The following PRDM8 variants were observed in gnomAD, a reference collection of about 807,000 sequenced individuals.
PRDM8 encodes PR/SET domain 8.
Under a neutral mutation model 46.5 loss-of-function variants are expected in PRDM8, and 13 were observed. That is an observed-to-expected ratio of 0.28 (90% confidence interval 0.18 to 0.44). The LOEUF is 0.44. Ranked by LOEUF, PRDM8 falls within the 20% of genes least tolerant of loss-of-function variation. The pLI, the probability that PRDM8 is intolerant of heterozygous loss-of-function variation, is 1.00. For synonymous variants in PRDM8, 473 were observed against 438.4 expected (o/e 1.08, Z -0.98); for missense variants, 998 against 955.0 (o/e 1.04, Z -0.59).
chr4:80,187,497 A>G (rs1222314113), intron 1 of PRDM8, among the ~76,000 whole-genome samples: 1 of 152,132 alleles, frequency 6.6e-6, no homozygotes, highest in African/African-American at 2.4e-5. Context: ...TATGGAGATA[A>G]TTAGGGGATG....
At chr4:80,201,812 T>C in intron 3 of PRDM8, 102 bp from the exon 4 acceptor site, 1 of 1,522,684 alleles carries the variant, frequency 6.6e-7, no homozygotes, top group Non-Finnish European at 9.0e-7. Flanking sequence ...GTCAAGGGGA[T>C]GGTGGCAAAC....
intron 3 of PRDM8, 52 bp downstream of exon 3, chr4:80,201,573 G>A: frequency 1.3e-6 from 2 of 1,533,944 alleles, no homozygotes; most frequent in Non-Finnish European, 1.8e-6. Context: ...GGGGAGAGAC[G>A]CAGGGAGCGG....
At chr4:80,192,906 G>A (rs1219734482), upstream of PRDM8, among the ~76,000 whole-genome samples, 2 of 152,162 alleles carry the variant, frequency 1.3e-5, no homozygotes, top group Admixed American at 1.3e-4. Context: ...CCAGATCCAG[G>A]AGAGGAAGAT....
At chr4:80,197,386 C>A, upstream of PRDM8, 1 of 973,392 alleles carries the variant, frequency 1.0e-6, no homozygotes. Context: ...GCGAGGCAGG[C>A]GGCGCCGGAG....
chr4:80,197,525 G>C lies in PRDM8; in HGVS notation c.-241G>C. 1 of 985,880 alleles carries C rather than the reference G, an allele frequency of 1.0e-6. No individual in the cohort carries two copies. Among genetic ancestry groups the C allele is most frequent in the South Asian group, 4.7e-5 (1 of 21,282 alleles). The allele number at this position is 985,880 out of a possible 1,614,324, so 61.1% of individuals were successfully genotyped here. A position where few individuals can be genotyped will look rare whatever the true frequency, so the allele number is the denominator to read the frequency against. On this transcript the variant is annotated 5_prime_UTR_variant, in exon 1 of 4. Coordinates refer to ENST00000415738, the MANE Select transcript of PRDM8 (RefSeq NM_001099403.2). ...GTCAGTCACTGCATCGGGTCCATCT[G>C]TACAACTCTCTCCGTTTCTCCGTCT...
chr4:80,197,147 T>C (rs1210090523), upstream of PRDM8: 1 of 985,324 alleles, frequency 1.0e-6, no homozygotes, highest in African/African-American at 1.7e-5. Flanking sequence ...ACGCGCTGGG[T>C]GTCCAGCTCT....
chr4:80,196,235 C>A (rs892387192), upstream of PRDM8: 4 of 938,226 alleles, frequency 4.3e-6, no homozygotes. Flanking sequence ...TAGCTAGCTA[C>A]ACAATCCGAT....
At chr4:80,187,775 C>T (rs1247607892) in intron 1 of PRDM8, among the ~76,000 whole-genome samples, 1 of 152,110 alleles carries the variant, frequency 6.6e-6, no homozygotes, top group Admixed American at 6.5e-5. Flanking sequence ...AGTAATGTCA[C>T]CCCCCTTCCT....
At chr4:80,198,994 G>GTTTTTTTTTTTTTTTTTTTTTTTTTTT (rs1310531623) in intron 1 of PRDM8, among the ~76,000 whole-genome samples, 1 of 63,506 alleles carries the variant, frequency 1.6e-5, no homozygotes, top group Non-Finnish European at 2.4e-5. Context: ...TTTTTTTTTT[G>GTTTTTTTTTTTTTTTTTTTTTTTTTTT]TTTTTTTTTT....
At chr4:80,199,630 C>T (rs1223015128) in intron 1 of PRDM8, among the ~76,000 whole-genome samples, 1 of 151,870 alleles carries the variant, frequency 6.6e-6, no homozygotes, top group Non-Finnish European at 1.5e-5. Context: ...GGCACTTTCC[C>T]CCAAGGGTTA....
At position 80,203,876 on chromosome 4, in the gene PRDM8, T is replaced by A. The variant is rs972449071; in HGVS notation, c.*344T>A. The A allele has an allele frequency of 6.2e-5, 12 of 193,712 alleles. No individual in the cohort carries two copies. The highest frequency in any genetic ancestry group is 2.3e-4 in the South Asian group (2 of 8,512). The allele number at this position is 193,712 out of a possible 1,614,324, so 12.0% of individuals were successfully genotyped here. ...TTCCCCAAAACAAAGGTACATTTTT[T>A]AAAATGTCATATATTGCAACATATT... is the stretch of plus-strand genomic sequence containing the variant. On this transcript the variant is annotated 3_prime_UTR_variant, in exon 4 of 4. Coordinates refer to ENST00000415738, the MANE Select transcript of PRDM8 (RefSeq NM_001099403.2).
chr4:80,196,679 C>T, upstream of PRDM8: 1 of 952,970 alleles, frequency 1.0e-6, no homozygotes, highest in Non-Finnish European at 1.2e-6. Flanking sequence ...ATTATAGACT[C>T]CCTCTGGGGC....
intron 1 of PRDM8, 66 bp downstream of exon 1, chr4:80,197,829 C>T: frequency 1.0e-6 from 1 of 962,290 alleles, no homozygotes; most frequent in Non-Finnish European, 1.2e-6. Context: ...AAGAGTAGAA[C>T]ATTTTGTCTT....
intron 1 of PRDM8, among the ~76,000 whole-genome samples, chr4:80,186,431 G>GAGAGAGAGAGAGAGAGAC (rs1737088000): frequency 6.5e-5 from 1 of 15,468 alleles, no homozygotes. Flanking sequence ...AGGCAGGGTG[G>GAGAGAGAGAGAGAGAGAC]AGAGAGAGAG....
At chr4:80,199,571 A>G (rs2109874720) in intron 1 of PRDM8, among the ~76,000 whole-genome samples, 1 of 152,194 alleles carries the variant, frequency 6.6e-6, no homozygotes, top group South Asian at 2.1e-4. Flanking sequence ...CCTTGGAAGA[A>G]AAGAAAAAAA....
rs1256219511 is a variant in PRDM8 at position 80,202,550 on chromosome 4, G to T, written c.1088G>T (p.Gly363Val). ...QQYRASGSYF[G>V]LEENGRLFAP... The stretch of plus-strand genomic sequence containing the variant: ...TACCGAGCCTCGGGCAGCTACTTCG[G>T]CCTGGAAGAGAACGGCCGCCTCTTC... The change falls in exon 4 of 4, where the codon GGC (glycine) becomes GTC (valine). Residue 363 changes from glycine to valine, a missense_variant. By Grantham distance (109) the Gly-to-Val change is moderately radical (BLOSUM62 -3). Coordinates refer to ENST00000415738, the MANE Select transcript of PRDM8 (RefSeq NM_001099403.2). The T allele has an allele frequency of 8.5e-6, 13 of 1,535,266 alleles. No homozygotes were observed. The highest frequency in any genetic ancestry group is 1.4e-5 in the African/African-American group (1 of 72,846).
rs1447678585 is a variant in PRDM8 at position 80,202,767 on chromosome 4, G to C, written c.1305G>C (p.Lys435Asn). The C allele has an allele frequency of 7.9e-7, 1 of 1,260,846 alleles. No individual in the cohort carries two copies. Among genetic ancestry groups the C allele is most frequent in the Non-Finnish European group, 9.9e-7 (1 of 1,007,770 alleles). 78.1% of individuals were successfully genotyped at this position (1,260,846 alleles called of 1,614,324 possible). Reference protein sequence around the residue: ...PAAASPVGAEKLLAPRPGGPL... With the variant: ...PAAASPVGAENLLAPRPGGPL... ...CCGCGTCACCGGTGGGCGCCGAGAA[G>C]CTGCTGGCCCCGCGGCCTGGGGGCC... is the stretch of plus-strand genomic sequence containing the variant. Residue 435 changes from lysine (K) to asparagine (N), a missense_variant, in exon 4 of 4, where the codon AAG becomes AAC. By Grantham distance (94) the Lys-to-Asn change is moderately conservative. Transcript: ENST00000415738.
chr4:80,189,702 C>G (rs1157384808), intron 1 of PRDM8: 1 of 152,238 alleles, frequency 6.6e-6, no homozygotes. Flanking sequence ...CCCTTTAATG[C>G]TCTCAGTTCA....
At chr4:80,192,183 G>A (rs940913100) in intron 2 of PRDM8, among the ~76,000 whole-genome samples, 1 of 152,088 alleles carries the variant, frequency 6.6e-6, no homozygotes, top group Non-Finnish European at 1.5e-5. Flanking sequence ...TTCCCCAGCA[G>A]CCCGAATTCT....
Sources: allele counts gnomAD v4.1 joint callset (sites outside exome capture counted in the v4.1 genomes callset), GRCh38; gene constraint gnomAD v4.1.1; transcripts MANE v1.5; gene names NCBI Gene and HGNC (gene_info 2026-07-23, HGNC 2026-07-21).